ERC2: variants seen among roughly 807,000 people sequenced by gnomAD.
ERC2 encodes ELKS/RAB6-interacting/CAST family member 2, also known as ERC protein 2.
Under a neutral mutation model 114.8 loss-of-function variants are expected in ERC2, and 42 were observed. That is an observed-to-expected ratio of 0.37 (90% CI 0.29 to 0.47). The LOEUF is 0.47. ERC2 is among the 20% of genes least tolerant of loss of function. The probability of loss-of-function intolerance (pLI) is 0.99; values close to 1 mark genes in which losing one functional copy is unlikely to be tolerated. For synonymous variants in ERC2, 454 were observed against 425.5 expected (o/e 1.07, Z -0.82); for missense variants, 939 against 1,150.7 (o/e 0.82, Z 2.66).
intron 17 of ERC2, among the ~76,000 whole-genome samples, chr3:55,532,152 A>G (rs1419550483): frequency 6.6e-6 from 1 of 152,198 alleles, no homozygotes; most frequent in Non-Finnish European, 1.5e-5. Flanking sequence ...AACTCTGACT[A>G]GGAGAATTCC....
chr3:55,962,923 T>C (rs551873178), intron 12 of ERC2, among the ~76,000 whole-genome samples: 1 of 152,348 alleles, frequency 6.6e-6, no homozygotes, highest in African/African-American at 2.4e-5. Flanking sequence ...GGATACTATG[T>C]CTGTTCTGTA....
intron 2 of ERC2, among the ~76,000 whole-genome samples, chr3:56,319,750 CACTCGAGG>C (rs1326352050): frequency 6.6e-6 from 1 of 152,124 alleles, no homozygotes; most frequent in African/African-American, 2.4e-5. Context: ...GAAAGAGGAA[CACTCGAGG>C]TCAGGAGTTC....
At chr3:55,713,131 T>TCTCA (rs1553638935) in intron 15 of ERC2, among the ~76,000 whole-genome samples, 9 of 139,414 alleles carry the variant, frequency 6.5e-5, no homozygotes, top group African/African-American at 2.2e-4. Flanking sequence ...TCTCTCTGTC[T>TCTCA]CACACACACA....
At position 55,781,060 on chromosome 3, in the gene ERC2, A is replaced by G. The variant is rs183177284; in HGVS notation, c.2565-46142T>C. ...TGTCACCCAAATACATTTGGACATT[A>G]TATCATGGCTGTTGTTTTGGGCTCT... On this transcript the variant is annotated intron_variant, in intron 14 of 17. Transcript: ENST00000288221. Among the ~76,000 whole-genome samples the G allele has an allele frequency of 1.5e-4, 23 of 152,346 alleles. No individual in the cohort carries two copies. In the East Asian group the frequency reaches 4.4e-3, roughly 29 times the overall value.
chr3:56,454,476 C>G (rs1175450156), intron 1 of ERC2, among the ~76,000 whole-genome samples: 1 of 152,180 alleles, frequency 6.6e-6, no homozygotes, highest in African/African-American at 2.4e-5. Context: ...ATTTATACAA[C>G]AGTGTTCACA....
At chr3:55,684,475 C>A (rs1052959575) in intron 16 of ERC2, among the ~76,000 whole-genome samples, 2 of 152,240 alleles carry the variant, frequency 1.3e-5, no homozygotes, top group South Asian at 2.1e-4. Context: ...AGAGGATGCA[C>A]TGGCGATGGT....
intron 17 of ERC2, among the ~76,000 whole-genome samples, chr3:55,533,218 G>C (rs2053778432): frequency 1.3e-5 from 2 of 152,242 alleles, no homozygotes; most frequent in South Asian, 4.1e-4. Context: ...GAGAGGCCAG[G>C]CTGTGGCAGA....
intron 14 of ERC2, among the ~76,000 whole-genome samples, chr3:55,796,578 A>T (rs187781511): frequency 1.3e-5 from 2 of 152,270 alleles, no homozygotes; most frequent in Non-Finnish European, 2.9e-5. Context: ...GGCTTGTGTC[A>T]CTACGCCCAG....
intron 14 of ERC2, among the ~76,000 whole-genome samples, chr3:55,790,671 A>G (rs2069932882): frequency 6.6e-6 from 1 of 152,202 alleles, no homozygotes; most frequent in African/African-American, 2.4e-5. Context: ...TCTGAAGGCC[A>G]ACTTCTGGGG....
At chr3:55,511,919 C>T (rs116712603) in intron 17 of ERC2, among the ~76,000 whole-genome samples, 1 of 152,340 alleles carries the variant, frequency 6.6e-6, no homozygotes, top group African/African-American at 2.4e-5. Flanking sequence ...ATCCCTCCCA[C>T]ACTACTGCTT....
intron 2 of ERC2, among the ~76,000 whole-genome samples, chr3:56,408,334 A>G (rs898569345): frequency 6.6e-6 from 1 of 152,192 alleles, no homozygotes; most frequent in African/African-American, 2.4e-5. Context: ...TGAAGCACAG[A>G]CAGTTGCTTG....
chr3:56,090,040 A>G (rs914742975), intron 6 of ERC2, among the ~76,000 whole-genome samples: 1 of 152,204 alleles, frequency 6.6e-6, no homozygotes, highest in Non-Finnish European at 1.5e-5. Context: ...TTTTTGACGA[A>G]TAATCATCAA....
intron 3 of ERC2, among the ~76,000 whole-genome samples, chr3:56,235,636 T>A (rs1181277233): frequency 6.6e-6 from 1 of 152,176 alleles, no homozygotes; most frequent in Non-Finnish European, 1.5e-5. Flanking sequence ...CCAGACCCCA[T>A]TTTTCATCCC....
At chr3:55,602,354 T>C (rs2058441980) in intron 17 of ERC2, among the ~76,000 whole-genome samples, 1 of 152,114 alleles carries the variant, frequency 6.6e-6, no homozygotes, top group African/African-American at 2.4e-5. Flanking sequence ...CTCCATGGAA[T>C]AGTGAATGTC....
intron 2 of ERC2, among the ~76,000 whole-genome samples, chr3:56,421,616 T>C (rs977382523): frequency 4.4e-4 from 67 of 152,172 alleles, no homozygotes; most frequent in Non-Finnish European, 1.6e-4. Flanking sequence ...ATAAGAGATA[T>C]ATAAAAATAG....
intron 3 of ERC2, among the ~76,000 whole-genome samples, chr3:56,188,001 C>A (rs1043398399): frequency 6.6e-6 from 1 of 152,062 alleles, no homozygotes; most frequent in African/African-American, 2.4e-5. Context: ...CTGTGGGGAA[C>A]GTGGTCAAGG....
chr3:56,013,529 G>A (rs181721503), intron 8 of ERC2, among the ~76,000 whole-genome samples: 39 of 152,294 alleles, frequency 2.6e-4, no homozygotes, highest in Admixed American at 1.3e-3. Flanking sequence ...AAGTCTCAAC[G>A]AAGGACCAGC....
At chr3:56,300,985 C>G (rs1448921898) in intron 2 of ERC2, among the ~76,000 whole-genome samples, 3 of 152,180 alleles carry the variant, frequency 2.0e-5, no homozygotes, top group African/African-American at 7.2e-5. Context: ...TGTGGTGGCT[C>G]ACACCTGTAA....
chr3:56,217,541 A>G lies in ERC2; in HGVS notation c.1075-44021T>C, dbSNP rs1575889073. ...ATGCTCATGGGTAGGAAGAATCAAT[A>G]TCGTGAAAATGGCCATACTGCCCAA... On this transcript the variant is annotated intron_variant, in intron 3 of 17. Transcript: ENST00000288221. Among the ~76,000 whole-genome samples the G allele has an allele frequency of 2.0e-5, 3 of 152,340 alleles. No homozygotes were observed. In the East Asian group the frequency reaches 5.8e-4, roughly 29 times the overall value.
Sources: allele counts gnomAD v4.1 joint callset (sites outside exome capture counted in the v4.1 genomes callset), GRCh38; gene constraint gnomAD v4.1.1; transcripts MANE v1.5; gene names NCBI Gene and HGNC (gene_info 2026-07-23, HGNC 2026-07-21).